Variants in PRMT8 observed in about 807,000 individuals in gnomAD.
PRMT8 encodes protein arginine methyltransferase 8, also known as protein arginine N-methyltransferase 8.
Under a neutral mutation model 47.1 loss-of-function variants are expected in PRMT8, and 7 were observed. The observed-to-expected ratio is 0.15, with a 90% CI of 0.08 to 0.28. The LOEUF (loss-of-function observed/expected upper bound fraction) is 0.28, where lower values mean the gene tolerates loss of function less well. PRMT8 is among the 10% of genes least tolerant of loss of function. The pLI is 1.00. For synonymous variants in PRMT8, 188 were observed against 186.5 expected, an observed-to-expected ratio of 1.01 and a Z score of -0.07; for missense variants, 237 against 505.4, an observed-to-expected ratio of 0.47 and a Z score of 5.09.
chr12:3,535,911 G>A lies in PRMT8; in HGVS notation c.76-4695G>A, dbSNP rs1245714063. 1.3e-5 allele frequency among the ~76,000 whole-genome samples: 2 copies of A among 152,154 alleles called. No homozygotes were observed. Among genetic ancestry groups the A allele is most frequent in the East Asian group, 1.9e-4 (1 of 5,180 alleles). On this transcript the variant is annotated intron_variant, in intron 1 of 9. Coordinates refer to ENST00000382622, the MANE Select transcript of PRMT8 (RefSeq NM_019854.5). The surrounding 1 kb of genome is among the most constrained non-coding windows in gnomAD (Gnocchi z 4.7). ...TTCACTCAGAGACTCTGCTTGCCTG[G>A]TGTGGCTTAGGGAGGAGTTGAGCCT...
At chr12:3,532,465 A>G (rs1866046550) in intron 1 of PRMT8, among the ~76,000 whole-genome samples, 1 of 150,422 alleles carries the variant, frequency 6.6e-6, no homozygotes, top group East Asian at 1.9e-4. Context: ...CAAAAAAATT[A>G]GCCTGGCATG....
rs1379232607 is a variant in PRMT8, at chr12:3,438,653, A to AC, written c.48+57215dup. Among the ~76,000 whole-genome samples the AC allele has an allele frequency of 1.5e-4, 23 of 152,228 alleles. No individual in the cohort carries two copies. The East Asian group carries it at 1.9e-3, about 13-fold the overall frequency. ...ATCCTGGGTGTTTATGTGGATTAGG[A>AC]CCCCTCCGTCCATTTGCACAGGTTT... On this transcript the variant is annotated intron_variant, in intron 1 of 9. Coordinates refer to the PRMT8 transcript ENST00000452611.
At chr12:3,521,959 G>C (rs374803624) in intron 1 of PRMT8, among the ~76,000 whole-genome samples, 1 of 152,076 alleles carries the variant, frequency 6.6e-6, no homozygotes, top group Non-Finnish European at 1.5e-5. Context: ...GGGGAATTAC[G>C]GAAAGTTTAC....
rs573191211 is a variant in PRMT8, at chr12:3,456,900, G to T, written c.48+75458G>T. On this transcript the variant is annotated intron_variant, in intron 1 of 9. Coordinates refer to the PRMT8 transcript ENST00000452611. The surrounding 1 kb of genome is among the most constrained non-coding windows in gnomAD (Gnocchi z 4.2). ...GGCTTTAAACACAGAGGACAGGTGC[G>T]TCTTTTCTTGCTGTGGCTGACGTCC... Among the ~76,000 whole-genome samples, 3 of 152,286 alleles carry T rather than the reference G, an allele frequency of 2.0e-5. No homozygotes were observed. Among genetic ancestry groups the T allele is most frequent in the African/African-American group, 7.2e-5 (3 of 41,556 alleles).
At chr12:3,439,840 T>C (rs886411686) in intron 1 of PRMT8, among the ~76,000 whole-genome samples, 6 of 152,210 alleles carry the variant, frequency 3.9e-5, no homozygotes, top group Non-Finnish European at 5.9e-5. Flanking sequence ...TGTGAAAGTG[T>C]TGTCTTAATT....
chr12:3,575,472 G>C (rs2137216752), intron 6 of PRMT8, among the ~76,000 whole-genome samples: 1 of 152,366 alleles, frequency 6.6e-6, no homozygotes, highest in South Asian at 2.1e-4. Flanking sequence ...CTGCACTGTA[G>C]GGAGAGAAAT....
chr12:3,399,762 T>G (rs1208722081), intron 1 of PRMT8, among the ~76,000 whole-genome samples: 1 of 152,212 alleles, frequency 6.6e-6, no homozygotes, highest in Non-Finnish European at 1.5e-5. Flanking sequence ...TAGTTTAAGT[T>G]GGACAACCAG....
At position 3,559,835 on chromosome 12, in the gene PRMT8, G is replaced by A. The variant is rs147129018; in HGVS notation, c.481+6121G>A. 3.7e-3 allele frequency among the ~76,000 whole-genome samples: 570 copies of A among 152,244 alleles called. 9 individuals carry two copies. The highest frequency in any genetic ancestry group is 0.013 in the African/African-American group (532 of 41,544). On this transcript the variant is annotated intron_variant, in intron 4 of 9. Coordinates refer to ENST00000382622, the MANE Select transcript of PRMT8 (RefSeq NM_019854.5). ...TCCATGCTGACCCGTTGTGGCATCC[G>A]CACCCCTACCATTTCCTGGGTTTGC...
Position 3,496,214 on chromosome 12 carries a change from A to ATTTTTTTTTT in PRMT8, c.75+4531_75+4540dup, listed in dbSNP as rs1555085718. Among the ~76,000 whole-genome samples, 19 of 27,766 alleles carry ATTTTTTTTTT rather than the reference A, an allele frequency of 6.8e-4. 1 individual carries two copies. The highest frequency in any genetic ancestry group is 9.7e-4 in the African/African-American group (11 of 11,352). 18.2% of individuals were successfully genotyped at this position (27,766 alleles called of 152,430 possible). Reference sequence around the variant, plus strand: ...TTTGGAAACTGATATATATATATATATTTTTTTTTTTTTTTTTTTTTTTTT... The same window carrying ATTTTTTTTTT: ...TTTGGAAACTGATATATATATATATATTTTTTTTTTTTTTTTTTTTTTTTTTTTTTTTTTT... On this transcript the variant is annotated intron_variant, in intron 1 of 9. Coordinates refer to ENST00000382622, the MANE Select transcript of PRMT8 (RefSeq NM_019854.5).
intron 1 of PRMT8, among the ~76,000 whole-genome samples, chr12:3,475,186 C>T (rs984411690): frequency 1.3e-5 from 2 of 152,102 alleles, no homozygotes; most frequent in African/African-American, 4.8e-5. Flanking sequence ...ACCCAGTGGC[C>T]GTGGAACATC....
At chr12:3,490,303 C>A (rs1171703156), upstream of PRMT8, among the ~76,000 whole-genome samples, 3 of 152,076 alleles carry the variant, frequency 2.0e-5, no homozygotes, top group Non-Finnish European at 2.9e-5. Context: ...CACTGCCCGA[C>A]AGATGGCCAG....
At chr12:3,406,313 G>T (rs1864372364) in intron 1 of PRMT8, among the ~76,000 whole-genome samples, 1 of 152,214 alleles carries the variant, frequency 6.6e-6, no homozygotes, top group African/African-American at 2.4e-5. Flanking sequence ...TGATGGGAGG[G>T]GCTGCTGTGA....
chr12:3,395,192 T>G (rs909736198), intron 1 of PRMT8, among the ~76,000 whole-genome samples: 1 of 151,008 alleles, frequency 6.6e-6, no homozygotes, highest in African/African-American at 2.4e-5. Context: ...TTTGAAGGGT[T>G]TTTTGTGTCT....
intron 1 of PRMT8, among the ~76,000 whole-genome samples, chr12:3,388,198 G>A (rs931291285): frequency 4.6e-5 from 7 of 151,904 alleles, no homozygotes; most frequent in East Asian, 3.9e-4. Flanking sequence ...CCTCAACCCC[G>A]TTTCATGACA....
At chr12:3,553,988 C>G (rs1866477607) in intron 4 of PRMT8, among the ~76,000 whole-genome samples, 1 of 152,198 alleles carries the variant, frequency 6.6e-6, no homozygotes, top group Admixed American at 6.5e-5. Flanking sequence ...TTGTCCCCAG[C>G]TGTGGGCAAC....
At chr12:3,433,288 C>T (rs934390988) in intron 1 of PRMT8, among the ~76,000 whole-genome samples, 3 of 152,214 alleles carry the variant, frequency 2.0e-5, no homozygotes, top group Non-Finnish European at 4.4e-5. Flanking sequence ...GTATTGTTTG[C>T]AGTAGCAGAG....
intron 1 of PRMT8, among the ~76,000 whole-genome samples, chr12:3,442,904 G>A (rs1305869651): frequency 4.6e-5 from 7 of 152,112 alleles, no homozygotes; most frequent in Non-Finnish European, 1.0e-4. Context: ...TGATCCACCC[G>A]CCTCGGCCTC....
intron 1 of PRMT8, among the ~76,000 whole-genome samples, chr12:3,397,513 T>C (rs1381790060): frequency 6.0e-5 from 9 of 151,008 alleles, no homozygotes; most frequent in Non-Finnish European, 1.3e-4. Context: ...GCCTCCCAGT[T>C]AGGCTGCTCG....
intron 1 of PRMT8, among the ~76,000 whole-genome samples, chr12:3,446,572 G>C (rs753256192): frequency 1.3e-5 from 2 of 152,116 alleles, no homozygotes; most frequent in African/African-American, 2.4e-5. Context: ...TTTAATTCCA[G>C]GACTTTCCAT....
Sources: allele counts gnomAD v4.1 joint callset (sites outside exome capture counted in the v4.1 genomes callset), GRCh38; gene constraint gnomAD v4.1.1; non-coding constraint Gnocchi (gnomAD v3.1); transcripts MANE v1.5; gene names NCBI Gene and HGNC (gene_info 2026-07-23, HGNC 2026-07-21).